SANBR: variants seen among roughly 807,000 people sequenced by gnomAD.
SANBR encodes the protein SANT and BTB domain regulator of CSR.
SANBR carries 77 observed loss-of-function variants against 101.8 expected under a neutral mutation model. The observed-to-expected ratio is 0.76, with a 90% CI of 0.63 to 0.91. The LOEUF (loss-of-function observed/expected upper bound fraction) is 0.91. SANBR is among the 40% of genes least tolerant of loss of function. The pLI is 0.00. For missense variants in SANBR, 875 were observed against 853.0 expected (o/e 1.03, Z -0.32); for synonymous variants, 279 against 274.7 (o/e 1.02, Z -0.15).
intron 4 of SANBR, among the ~76,000 whole-genome samples, chr2:61,072,941 C>T (rs547369171): frequency 5.6e-4 from 84 of 149,870 alleles, no homozygotes; most frequent in Non-Finnish European, 1.1e-3. Context: ...ATCCTCCTGC[C>T]GCAGCCTCCT....
intron 11 of SANBR, chr2:61,094,078 A>G (rs1036221394): frequency 1.0e-6 from 1 of 983,874 alleles, no homozygotes; most frequent in African/African-American, 1.7e-5. Flanking sequence ...TCAGATTGGG[A>G]TTTTAAACTG....
At chr2:61,071,442 C>T (rs1374408770) in intron 3 of SANBR, among the ~76,000 whole-genome samples, 164 bp from the exon 4 acceptor site, 2 of 151,668 alleles carry the variant, frequency 1.3e-5, no homozygotes, top group African/African-American at 2.4e-5. Context: ...CCCAGCTACT[C>T]AGGAGGCTGA....
chr2:61,114,494 A>T (rs886787946), intron 16 of SANBR, among the ~76,000 whole-genome samples: 1 of 152,168 alleles, frequency 6.6e-6, no homozygotes, highest in Admixed American at 6.6e-5. Flanking sequence ...GGCTGCCTTC[A>T]GCCATAACTC....
chr2:61,095,961 TC>T (rs1683011783), intron 11 of SANBR, among the ~76,000 whole-genome samples: 1 of 152,074 alleles, frequency 6.6e-6, no homozygotes, highest in South Asian at 2.1e-4. Flanking sequence ...CCCTTAATCA[TC>T]CAGTGGTACT....
chr2:61,091,018 T>G (rs1388054784), intron 10 of SANBR, among the ~76,000 whole-genome samples: 1 of 151,916 alleles, frequency 6.6e-6, no homozygotes, highest in Non-Finnish European at 1.5e-5. Context: ...AAGCAGTTCT[T>G]CTGCCTCAGA....
intron 16 of SANBR, among the ~76,000 whole-genome samples, chr2:61,111,392 C>G (rs576438831): frequency 3.3e-5 from 5 of 151,854 alleles, no homozygotes; most frequent in Admixed American, 3.3e-4. Flanking sequence ...GACTCCGTCT[C>G]AAAAAAAAGA....
At chr2:61,110,029 A>C (rs1187750861) in intron 16 of SANBR, among the ~76,000 whole-genome samples, 1 of 152,186 alleles carries the variant, frequency 6.6e-6, no homozygotes, top group Admixed American at 6.5e-5. Flanking sequence ...AGAAACAGCA[A>C]GGAAAATTGG....
rs1358539374 is a variant in SANBR, at chr2:61,122,293, C to A, written c.*131C>A. 7.6e-7 allele frequency: 1 copy of A among 1,308,248 alleles called. No individual in the cohort carries two copies. The allele number at this position is 1,308,248 out of a possible 1,614,324, so 81.0% of individuals were successfully genotyped here. A position where few individuals can be genotyped will look rare whatever the true frequency, so the allele number is the denominator to read the frequency against. ...TATTATTATTTTAATCCACATAAAT[C>A]ATAATTCTAAAAGAAATGCATAGTT... On this transcript the variant is annotated 3_prime_UTR_variant, in exon 22 of 22. Transcript: ENST00000402291.
rs748759463 is a variant in SANBR at position 61,104,022 on chromosome 2, C to G, written c.1511+24C>G. 11 of 1,609,220 alleles carry G rather than the reference C, an allele frequency of 6.8e-6. No individual in the cohort carries two copies. The East Asian group carries it at 2.2e-4, about 33-fold the overall frequency. ...AGGTGAGGGGTGGAAAAACCCAACA[C>G]TGTATTATAGCTTTATTCAGCAGTT... On this transcript the variant is annotated intron_variant, in intron 13 of 21. Coordinates refer to ENST00000402291, the MANE Select transcript of SANBR (RefSeq NM_001129993.3).
chr2:61,096,175 T>G (rs142211907), intron 11 of SANBR, among the ~76,000 whole-genome samples: 1 of 152,130 alleles, frequency 6.6e-6, no homozygotes, highest in Admixed American at 6.5e-5. Context: ...CTAGATAAAA[T>G]GGTTTTACCT....
At chr2:61,090,750 GTA>G in intron 10 of SANBR, 1 of 155,022 alleles carries the variant, frequency 6.5e-6, no homozygotes, top group Non-Finnish European at 1.4e-5. Context: ...GTGTGTGTGT[GTA>G]GGCACAGGGT....
chr2:61,073,922 T>G (rs942053403), intron 5 of SANBR, among the ~76,000 whole-genome samples: 1 of 152,096 alleles, frequency 6.6e-6, no homozygotes, highest in Non-Finnish European at 1.5e-5. Flanking sequence ...TAATAACTCA[T>G]TATAGAAAAT....
intron 21 of SANBR, among the ~76,000 whole-genome samples, chr2:61,134,996 C>A (rs532226319): frequency 1.3e-5 from 2 of 152,058 alleles, no homozygotes; most frequent in Admixed American, 1.3e-4. Flanking sequence ...TCGAGACCAG[C>A]CTGGCCAACA....
At chr2:61,119,759 A>T (rs971594625) in intron 20 of SANBR, among the ~76,000 whole-genome samples, 3 of 151,796 alleles carry the variant, frequency 2.0e-5, no homozygotes, top group African/African-American at 4.8e-5. Context: ...CGAGTTTGAG[A>T]CCAGCCTGGG....
In SANBR at chr2:61,123,357, T is replaced by A; in HGVS notation, c.*1195T>A. 4 of 976,154 alleles carry A rather than the reference T, an allele frequency of 4.1e-6. No individual in the cohort carries two copies. The highest frequency in any genetic ancestry group is 4.9e-6 in the Non-Finnish European group (4 of 821,376). 60.5% of individuals were successfully genotyped at this position (976,154 alleles called of 1,614,324 possible). A position where few individuals can be genotyped will look rare whatever the true frequency, so the allele number is the denominator to read the frequency against. On this transcript the variant is annotated 3_prime_UTR_variant, in exon 22 of 22. Coordinates refer to ENST00000402291, the MANE Select transcript of SANBR (RefSeq NM_001129993.3). ...CCATTGAAATATTGAAGTGTTACAC[T>A]CAGTTTACACGTACAGAAATCATTC...
intron 6 of SANBR, among the ~76,000 whole-genome samples, chr2:61,079,386 C>T (rs1338052492): frequency 1.3e-5 from 2 of 152,174 alleles, no homozygotes; most frequent in African/African-American, 2.4e-5. Flanking sequence ...TCTTTCTATG[C>T]ACTAGAATTG....
chr2:61,134,081 C>T, intron 20 of SANBR: 1 of 1,592,032 alleles, frequency 6.3e-7, no homozygotes, highest in African/African-American at 1.3e-5. Flanking sequence ...CTTGTGTTTG[C>T]CTGGGTGTGT....
Position 61,122,148 on chromosome 2 carries a change from G to C in SANBR, c.2143G>C (p.Gly715Arg). 5.2e-6 allele frequency: 8 copies of C among 1,550,310 alleles called. No homozygotes were observed. Among genetic ancestry groups the C allele is most frequent in the Non-Finnish European group, 7.0e-6 (8 of 1,145,946 alleles). Reference sequence around the variant, plus strand: ...TAGGTCTAAAAGTCGTTTTGGTCAAGGGCGTCCTGCATAAAGTACCTTAAA... The same window carrying C: ...TAGGTCTAAAAGTCGTTTTGGTCAACGGCGTCCTGCATAAAGTACCTTAAA... ...NTRSKSRFGQ[G>R]RPA is the part of the protein sequence containing the mutation. Residue 715 changes from glycine (G) to arginine (R), a missense_variant, in exon 22 of 22, where the codon GGG becomes CGG. Transcript: ENST00000402291.
chr2:61,111,487 A>G (rs1353710608), intron 16 of SANBR, among the ~76,000 whole-genome samples: 3 of 152,256 alleles, frequency 2.0e-5, no homozygotes, highest in Admixed American at 2.0e-4. Flanking sequence ...CCAATGAAAA[A>G]GCTGGTTCTT....
Sources: gnomAD v4.1 joint callset for allele counts (sites outside exome capture counted in the v4.1 genomes callset) on GRCh38, gnomAD v4.1.1 for gene constraint, MANE v1.5 for transcripts, NCBI Gene and HGNC (gene_info 2026-07-23, HGNC 2026-07-21) for gene names.